Variants in MARCHF5 observed in about 807,000 individuals in gnomAD.
MARCHF5 encodes the protein membrane associated ring-CH-type finger 5.
A neutral mutation model predicts 36.5 loss-of-function variants in MARCHF5; 5 were observed. The ratio of observed to expected loss-of-function variants is 0.14; its 90% CI spans 0.07 to 0.29. The LOEUF (loss-of-function observed/expected upper bound fraction) is 0.29. Ranked by LOEUF, MARCHF5 falls within the 10% of genes least tolerant of loss-of-function variation. The pLI is 1.00. For missense variants in MARCHF5, 179 were observed against 336.3 expected (o/e 0.53, Z 3.66); for synonymous variants, 103 against 109.9 (o/e 0.94, Z 0.39).
intron 2 of MARCHF5, among the ~76,000 whole-genome samples, chr10:92,323,552 C>T (rs1843316275): frequency 6.6e-6 from 1 of 152,138 alleles, no homozygotes; most frequent in African/African-American, 2.4e-5. Context: ...ACCTAAAAAT[C>T]CTCTATGCTC....
In MARCHF5 at chr10:92,311,312, A is replaced by C. The variant is rs756174955; in HGVS notation, c.213A>C (p.Glu71Asp). ...ARVACPQCNA[E>D]YLIVFPKLGP... ...TGGCATGTCCTCAGTGCAATGCTGA[A>C]TACCTAATAGTTTTTCCAAAATTGG... The change falls in exon 2 of 6, where the codon GAA (glutamate) becomes GAC (aspartate). Residue 71 changes from glutamate (E) to aspartate (D), a missense_variant. Around this residue, in one of 3 missense-constraint regions of MARCHF5, gnomAD observed 66 missense variants for 180.5 expected, o/e 0.37. Coordinates refer to ENST00000358935, the MANE Select transcript of MARCHF5 (RefSeq NM_017824.5). 1.3e-6 allele frequency: 2 copies of C among 1,597,958 alleles called. No individual in the cohort carries two copies. The highest frequency in any genetic ancestry group is 1.7e-6 in the Non-Finnish European group (2 of 1,171,476).
At chr10:92,334,084 G>A (rs1843473261) in intron 2 of MARCHF5, among the ~76,000 whole-genome samples, 1 of 152,180 alleles carries the variant, frequency 6.6e-6, no homozygotes, top group African/African-American at 2.4e-5. Flanking sequence ...TAGCTACTTG[G>A]GAGGCTGAGG....
rs1218240451 is a variant in MARCHF5, at chr10:92,317,787, G to A, written c.238+6450G>A. 3.5e-5 allele frequency among the ~76,000 whole-genome samples: 5 copies of A among 143,168 alleles called. No individual in the cohort carries two copies. The East Asian group carries it at 1.0e-3, about 29-fold the overall frequency. 93.9% of individuals were successfully genotyped at this position (143,168 alleles called of 152,430 possible). On this transcript the variant is annotated intron_variant, in intron 2 of 5. Coordinates refer to ENST00000358935, the MANE Select transcript of MARCHF5 (RefSeq NM_017824.5). ...TTTTTTTGAGGCACAGTCTCGCTCT[G>A]TTGCCCAGGCTGGAGTACAGCGCCA...
intron 2 of MARCHF5, among the ~76,000 whole-genome samples, chr10:92,333,143 A>G (rs957420847): frequency 1.1e-4 from 17 of 148,820 alleles, no homozygotes; most frequent in African/African-American, 4.2e-4. Flanking sequence ...CTGGGCAACA[A>G]GAGTAAATCT....
chr10:92,307,734 G>T (rs941348576), intron 1 of MARCHF5, among the ~76,000 whole-genome samples: 1 of 151,866 alleles, frequency 6.6e-6, no homozygotes, highest in Non-Finnish European at 1.5e-5. Context: ...AACTAGCTGG[G>T]CATGGTGGCG....
chr10:92,338,534 A>G (rs1843532078), intron 2 of MARCHF5, among the ~76,000 whole-genome samples: 1 of 152,246 alleles, frequency 6.6e-6, no homozygotes, highest in Non-Finnish European at 1.5e-5. Flanking sequence ...AAGATACCTT[A>G]TCATTGTTTT....
rs1366523781 is a variant in MARCHF5, at chr10:92,353,643, G to T, written c.*2436G>T. 1 of 152,464 alleles carries T rather than the reference G, an allele frequency of 6.6e-6. No individual in the cohort carries two copies. Among genetic ancestry groups the T allele is most frequent in the East Asian group, 1.9e-4 (1 of 5,194 alleles). The allele number at this position is 152,464 out of a possible 1,614,324, so 9.4% of individuals were successfully genotyped here. ...TGATGTAGATTTTTCGGATGGGTGG[G>T]TATATTTTATTTTCCAGTTTATTTT... On this transcript the variant is annotated 3_prime_UTR_variant, in exon 6 of 6. Transcript: ENST00000358935.
rs118032393 is a variant in MARCHF5, at chr10:92,303,220, C to G, written c.36-7915C>G. Among the ~76,000 whole-genome samples the G allele has an allele frequency of 2.8e-4, 42 of 152,206 alleles. 1 individual carries two copies. The East Asian group carries it at 8.1e-3, about 29-fold the overall frequency. On this transcript the variant is annotated intron_variant, in intron 1 of 5. Transcript: ENST00000358935. ...AGACTGTAAATTAGTCACAAATGAA[C>G]CCTGTGAAGTGAGATTGTCTTTGTT...
intron 1 of MARCHF5, among the ~76,000 whole-genome samples, chr10:92,304,040 A>G (rs1311507510): frequency 6.6e-6 from 1 of 152,196 alleles, no homozygotes; most frequent in Non-Finnish European, 1.5e-5. Flanking sequence ...GAAGGGTAAT[A>G]AGGGTGAAAG....
At chr10:92,331,965 G>GTA (rs1165220827) in intron 2 of MARCHF5, among the ~76,000 whole-genome samples, 13 of 142,522 alleles carry the variant, frequency 9.1e-5, no homozygotes, top group South Asian at 2.1e-4. Flanking sequence ...ATATATAATC[G>GTA]TATATATATA....
At chr10:92,332,027 G>C (rs940272772) in intron 2 of MARCHF5, among the ~76,000 whole-genome samples, 5 of 147,698 alleles carry the variant, frequency 3.4e-5, no homozygotes, top group African/African-American at 1.2e-4. Context: ...TTATTCTTCA[G>C]GGTTGTTTGG....
At chr10:92,291,810 T>C (rs1291746667) in intron 1 of MARCHF5, among the ~76,000 whole-genome samples, 1 of 152,172 alleles carries the variant, frequency 6.6e-6, no homozygotes, top group Non-Finnish European at 1.5e-5. Context: ...TCCACAAAAT[T>C]AGTTTTCCTT....
At chr10:92,306,541 A>C (rs1843074650) in intron 1 of MARCHF5, among the ~76,000 whole-genome samples, 2 of 152,216 alleles carry the variant, frequency 1.3e-5, no homozygotes, top group African/African-American at 4.8e-5. Context: ...CCATTCCAAG[A>C]TGTTGAGAAA....
At chr10:92,317,781 C>CAGA (rs1843230994) in intron 2 of MARCHF5, among the ~76,000 whole-genome samples, 2 of 148,482 alleles carry the variant, frequency 1.3e-5, no homozygotes, top group Non-Finnish European at 1.5e-5. Context: ...GGCACAGTCT[C>CAGA]GCTCTGTTGC....
At chr10:92,306,066 T>G (rs1843070178) in intron 1 of MARCHF5, among the ~76,000 whole-genome samples, 1 of 152,256 alleles carries the variant, frequency 6.6e-6, no homozygotes, top group Non-Finnish European at 1.5e-5. Context: ...CCCAAAAATC[T>G]ACTGCTTTAT....
chr10:92,322,463 A>G (rs1190979078), intron 2 of MARCHF5, among the ~76,000 whole-genome samples: 3 of 139,004 alleles, frequency 2.2e-5, no homozygotes, highest in Admixed American at 1.5e-4. Flanking sequence ...TTTTTGAGAC[A>G]GGGCCTCACT....
At chr10:92,302,778 C>T (rs912291908) in intron 1 of MARCHF5, among the ~76,000 whole-genome samples, 2 of 152,144 alleles carry the variant, frequency 1.3e-5, no homozygotes, top group Non-Finnish European at 2.9e-5. Context: ...AAATAGAGCC[C>T]TCCTTACATT....
intron 1 of MARCHF5, among the ~76,000 whole-genome samples, chr10:92,305,377 A>G (rs753767818): frequency 6.6e-6 from 1 of 152,062 alleles, no homozygotes; most frequent in Non-Finnish European, 1.5e-5. Context: ...ACTGTACTCC[A>G]GCCTGGACAA....
intron 1 of MARCHF5, 87 bp from the exon 2 acceptor site, chr10:92,311,048 G>A: frequency 8.8e-6 from 8 of 908,032 alleles, no homozygotes; most frequent in East Asian, 5.1e-5. Context: ...AACATAGCAG[G>A]CTCATCCCAT....
Sources: gnomAD v4.1 joint callset for allele counts (sites outside exome capture counted in the v4.1 genomes callset) on GRCh38, gnomAD v4.1.1 for gene constraint, gnomAD v4.1.1 regional missense constraint, MANE v1.5 for transcripts, NCBI Gene and HGNC (gene_info 2026-07-23, HGNC 2026-07-21) for gene names.